RRAS2: variants seen among roughly 807,000 people sequenced by gnomAD.
The protein encoded by RRAS2 is RAS related 2, also known as ras-related protein R-Ras2.
RRAS2 carries 7 observed loss-of-function variants against 27.6 expected under a neutral mutation model. The ratio of observed to expected loss-of-function variants is 0.25; its 90% CI spans 0.14 to 0.48. The LOEUF is 0.48. Among genes scored for constraint, RRAS2 ranks in the 20% least tolerant of loss-of-function variants. The probability of loss-of-function intolerance (pLI) is 0.99; values close to 1 mark genes in which losing one functional copy is unlikely to be tolerated. For missense variants in RRAS2, 178 were observed against 256.2 expected (o/e 0.69, Z 2.08); for synonymous variants, 86 against 90.9 (o/e 0.95, Z 0.31).
chr11:14,347,149 C>A (rs1466345085), intron 1 of RRAS2, among the ~76,000 whole-genome samples: 1 of 152,074 alleles, frequency 6.6e-6, no homozygotes, highest in Admixed American at 6.6e-5. Context: ...GACAACAGAG[C>A]AAGACCCTGT....
At chr11:14,298,383 G>T (rs1045322763) in intron 1 of RRAS2, among the ~76,000 whole-genome samples, 1 of 152,164 alleles carries the variant, frequency 6.6e-6, no homozygotes, top group East Asian at 1.9e-4. Flanking sequence ...AGTTCTTGGC[G>T]TTGTGAGATT....
intron 1 of RRAS2, among the ~76,000 whole-genome samples, chr11:14,346,764 G>C (rs1848840803): frequency 6.6e-6 from 1 of 152,190 alleles, no homozygotes; most frequent in Non-Finnish European, 1.5e-5. Flanking sequence ...ATGTGACATA[G>C]TACGTATGTT....
intron 1 of RRAS2, among the ~76,000 whole-genome samples, chr11:14,311,476 C>A (rs1464024610): frequency 6.6e-6 from 1 of 152,156 alleles, no homozygotes; most frequent in Non-Finnish European, 1.5e-5. Context: ...AAGCAATTTT[C>A]CTGCCTCAGC....
intron 1 of RRAS2, among the ~76,000 whole-genome samples, chr11:14,324,976 A>G (rs1217044515): frequency 6.6e-6 from 1 of 152,212 alleles, no homozygotes. Context: ...GAGATTATAA[A>G]GGGTTCATAA....
chr11:14,326,169 G>A (rs1848353125), intron 1 of RRAS2, among the ~76,000 whole-genome samples: 1 of 152,106 alleles, frequency 6.6e-6, no homozygotes, highest in Non-Finnish European at 1.5e-5. Context: ...AGTAAAGAAG[G>A]CTTCCACAGA....
chr11:14,344,147 A>T (rs1024431603), intron 1 of RRAS2, among the ~76,000 whole-genome samples: 21 of 151,454 alleles, frequency 1.4e-4, no homozygotes, highest in Middle Eastern at 3.4e-3. Context: ...AAAATAATTT[A>T]AAAAAAAAAT....
chr11:14,304,089 T>C (rs1847776300), intron 1 of RRAS2, among the ~76,000 whole-genome samples: 2 of 152,206 alleles, frequency 1.3e-5, no homozygotes, highest in South Asian at 2.1e-4. Context: ...TCTTTCTAAG[T>C]ACAAAGTGCT....
chr11:14,319,345 CT>C (rs1156654694), intron 1 of RRAS2, among the ~76,000 whole-genome samples: 3,385 of 91,114 alleles, frequency 0.037, 10 homozygotes, highest in African/African-American at 0.052. Flanking sequence ...TTCCCTCTGT[CT>C]TTTTTTTTTT....
chr11:14,329,054 C>T (rs1279291157), intron 1 of RRAS2, among the ~76,000 whole-genome samples: 3 of 126,078 alleles, frequency 2.4e-5, no homozygotes, highest in African/African-American at 8.7e-5. Flanking sequence ...TATGTATATA[C>T]ACACACATAT....
At chr11:14,318,769 T>C (rs1368449569) in intron 1 of RRAS2, among the ~76,000 whole-genome samples, 1 of 152,194 alleles carries the variant, frequency 6.6e-6, no homozygotes, top group African/African-American at 2.4e-5. Context: ...TTTTGTACAT[T>C]CTTTCAGTCC....
At chr11:14,313,905 T>G (rs1200268725) in intron 1 of RRAS2, among the ~76,000 whole-genome samples, 1 of 152,184 alleles carries the variant, frequency 6.6e-6, no homozygotes, top group African/African-American at 2.4e-5. Context: ...TATACACATC[T>G]AAAATAGTCA....
intron 1 of RRAS2, among the ~76,000 whole-genome samples, chr11:14,305,772 C>T (rs1013772277): frequency 2.0e-5 from 3 of 152,092 alleles, no homozygotes; most frequent in Admixed American, 6.6e-5. Flanking sequence ...TGGCCGTGCG[C>T]GATGGCTCAC....
rs1282750884 is a variant in RRAS2, at chr11:14,278,283, C to T, written c.*1054G>A. The T allele has an allele frequency of 6.6e-6, 1 of 152,156 alleles. No individual in the cohort carries two copies. The highest frequency in any genetic ancestry group is 2.4e-5 in the African/African-American group (1 of 41,430). 9.4% of individuals were successfully genotyped at this position (152,156 alleles called of 1,614,324 possible). A position where few individuals can be genotyped will look rare whatever the true frequency, so the allele number is the denominator to read the frequency against. On this transcript the variant is annotated 3_prime_UTR_variant, in exon 6 of 6. Transcript: ENST00000256196. ...TGGCCAAAGATGGGTACAACCAAGA[C>T]CAGACCAGCAAGTAAAAGTTCTACC...
At chr11:14,318,809 A>G (rs537467304) in intron 1 of RRAS2, among the ~76,000 whole-genome samples, 14 of 152,332 alleles carry the variant, frequency 9.2e-5, no homozygotes, top group African/African-American at 2.9e-4. Context: ...AGTAAATATA[A>G]ATCAGACTTT....
chr11:14,336,581 A>G (rs1486986309), intron 1 of RRAS2, among the ~76,000 whole-genome samples: 4 of 152,234 alleles, frequency 2.6e-5, no homozygotes, highest in South Asian at 4.1e-4. Context: ...TAAAAAATAC[A>G]ATAATCAAAA....
chr11:14,286,324 C>T (rs1849660611), intron 4 of RRAS2, among the ~76,000 whole-genome samples: 1 of 152,162 alleles, frequency 6.6e-6, no homozygotes, highest in Non-Finnish European at 1.5e-5. Flanking sequence ...TATTCCTAAA[C>T]ACATTCCTGA....
At chr11:14,289,195 G>C (rs1849746480) in intron 4 of RRAS2, among the ~76,000 whole-genome samples, 1 of 152,164 alleles carries the variant, frequency 6.6e-6, no homozygotes, top group Non-Finnish European at 1.5e-5. Context: ...TGGGAGTCTG[G>C]ATTGATATAC....
chr11:14,350,291 T>C (rs2134035581), intron 1 of RRAS2, among the ~76,000 whole-genome samples: 1 of 152,262 alleles, frequency 6.6e-6, no homozygotes, highest in Admixed American at 6.5e-5. Context: ...GTTTGGGTCA[T>C]GGGGATGAAT....
At chr11:14,326,515 A>C (rs1554951019) in intron 1 of RRAS2, among the ~76,000 whole-genome samples, 2 of 152,258 alleles carry the variant, frequency 1.3e-5, no homozygotes. Context: ...TAAATATACA[A>C]ACATAAAATA....
Sources: gnomAD v4.1 joint callset for allele counts (sites outside exome capture counted in the v4.1 genomes callset) on GRCh38, gnomAD v4.1.1 for gene constraint, MANE v1.5 for transcripts, NCBI Gene and HGNC (gene_info 2026-07-23, HGNC 2026-07-21) for gene names.